PALD1: variants seen among roughly 807,000 people sequenced by gnomAD.
The protein encoded by PALD1 is phosphatase domain containing paladin 1.
Under a neutral mutation model 96.0 loss-of-function variants are expected in PALD1, and 57 were observed. That is an observed-to-expected ratio of 0.59 (90% CI 0.48 to 0.74). The LOEUF is 0.74. PALD1 is among the 30% of genes least tolerant of loss of function. PALD1 has a pLI of 0.00. For synonymous variants in PALD1, 464 were observed against 473.6 expected, an observed-to-expected ratio of 0.98 and a Z score of 0.26; for missense variants, 1,063 against 1,143.7, an observed-to-expected ratio of 0.93 and a Z score of 1.02.
At chr10:70,500,975 G>A (rs1846282473) in intron 1 of PALD1, among the ~76,000 whole-genome samples, 1 of 152,126 alleles carries the variant, frequency 6.6e-6, no homozygotes, top group Non-Finnish European at 1.5e-5. Context: ...CCCATTCCTG[G>A]CTCCCATGAC....
At chr10:70,518,312 C>T (rs946602013) in intron 1 of PALD1, among the ~76,000 whole-genome samples, 1 of 152,158 alleles carries the variant, frequency 6.6e-6, no homozygotes, top group Non-Finnish European at 1.5e-5. Flanking sequence ...CTGCTGTGTA[C>T]AAGTCTTTTT....
intron 5 of PALD1, among the ~76,000 whole-genome samples, chr10:70,531,834 T>G (rs1846999253): frequency 6.6e-6 from 1 of 151,834 alleles, no homozygotes; most frequent in Admixed American, 6.6e-5. Flanking sequence ...ATACAAAAAA[T>G]TAGCTGGACG....
At position 70,535,817 on chromosome 10, in the gene PALD1, C is replaced by T. The variant is rs187145854; in HGVS notation, c.1227+974C>T. ...CTAGACTCAAGGGATTCGTCCACCTCAACCTCCTGAGTATCTGGGACTACA... is the reference window on the plus strand; with the variant it reads ...CTAGACTCAAGGGATTCGTCCACCTTAACCTCCTGAGTATCTGGGACTACA... On this transcript the variant is annotated intron_variant, in intron 10 of 19. Transcript: ENST00000263563. 1.3e-3 allele frequency among the ~76,000 whole-genome samples: 201 copies of T among 152,248 alleles called. 2 individuals carry two copies. Among genetic ancestry groups the T allele is most frequent in the Middle Eastern group, 6.8e-3 (2 of 294 alleles).
intron 7 of PALD1, among the ~76,000 whole-genome samples, chr10:70,533,563 G>A (rs1402005727): frequency 6.6e-6 from 1 of 152,186 alleles, no homozygotes; most frequent in Non-Finnish European, 1.5e-5. Context: ...TGGAGCTAAC[G>A]ACTCTTGCCC....
intron 1 of PALD1, among the ~76,000 whole-genome samples, chr10:70,482,902 C>T (rs41461650): frequency 0.14 from 21,025 of 152,080 alleles, 1,918 homozygotes; most frequent in African/African-American, 0.25. Context: ...GTTATTACCA[C>T]GATGTTATTC....
intron 1 of PALD1, among the ~76,000 whole-genome samples, chr10:70,514,628 C>A (rs910040964): frequency 5.9e-5 from 9 of 152,158 alleles, no homozygotes; most frequent in African/African-American, 1.9e-4. Context: ...ATGTCTTTGA[C>A]TTTGCTCAGC....
chr10:70,538,180 T>G, intron 11 of PALD1, 100 bp from the exon 12 acceptor site: 2 of 1,283,372 alleles, frequency 1.6e-6, no homozygotes, highest in Non-Finnish European at 2.2e-6. Context: ...CTGGGCCATG[T>G]TGGATATCTT....
intron 9 of PALD1, 48 bp downstream of exon 9, chr10:70,534,572 G>C: frequency 7.3e-7 from 1 of 1,378,676 alleles, no homozygotes; most frequent in African/African-American, 1.4e-5. Flanking sequence ...TGGAGGGGAC[G>C]GTCACTCCTC....
At position 70,493,100 on chromosome 10, in the gene PALD1, C is replaced by T. The variant is rs552774233; in HGVS notation, c.-30+14041C>T. Among the ~76,000 whole-genome samples the T allele has an allele frequency of 1.6e-4, 25 of 152,330 alleles. No homozygotes were observed. In the East Asian group the frequency reaches 4.8e-3, roughly 29 times the overall value. On this transcript the variant is annotated intron_variant, in intron 1 of 19. Transcript: ENST00000263563. ...GCCTGCCCCCCTACCTTGGCTCATTCCGGCCCTTTCCAGCTGCCGCTGCTG... is the reference window on the plus strand; with the variant it reads ...GCCTGCCCCCCTACCTTGGCTCATTTCGGCCCTTTCCAGCTGCCGCTGCTG...
Position 70,566,738 on chromosome 10 carries a change from C to A in PALD1, c.*5C>A, listed in dbSNP as rs763192416. Reference sequence around the variant, plus strand: ...GCCCCCGAGGACTTGCTGTAGGGGGCCTTACTCCCTGTCCCCCCACCCACA... The same window carrying A: ...GCCCCCGAGGACTTGCTGTAGGGGGACTTACTCCCTGTCCCCCCACCCACA... On this transcript the variant is annotated 3_prime_UTR_variant, in exon 20 of 20. Transcript: ENST00000263563. 5 of 1,571,822 alleles carry A rather than the reference C, an allele frequency of 3.2e-6. No individual in the cohort carries two copies. Among genetic ancestry groups the A allele is most frequent in the Non-Finnish European group, 4.3e-6 (5 of 1,158,062 alleles).
At chr10:70,517,176 A>C (rs1846637028) in intron 1 of PALD1, among the ~76,000 whole-genome samples, 1 of 152,296 alleles carries the variant, frequency 6.6e-6, no homozygotes, top group East Asian at 1.9e-4. Context: ...GCAGAGGTCC[A>C]GAGAGGTTAT....
At position 70,497,710 on chromosome 10, in the gene PALD1, G is replaced by A. The variant is rs371271670; in HGVS notation, c.-30+18651G>A. ...GCCTCCCGAGTAGCTGGGACTACAG[G>A]CGTGTGCCACCATGCCTGGCTAATT... On this transcript the variant is annotated intron_variant, in intron 1 of 19. Transcript: ENST00000263563. Among the ~76,000 whole-genome samples, 27 of 152,058 alleles carry A rather than the reference G, an allele frequency of 1.8e-4. No individual in the cohort carries two copies. The East Asian group carries it at 4.5e-3, about 25-fold the overall frequency.
At chr10:70,544,938 C>T (rs867065067) in intron 17 of PALD1, among the ~76,000 whole-genome samples, 8 of 152,346 alleles carry the variant, frequency 5.3e-5, no homozygotes, top group Middle Eastern at 3.4e-3. Flanking sequence ...CTCTGAGAAA[C>T]GCAGGAGTTG....
At chr10:70,465,855 G>C in the PALD1 span, among the ~76,000 whole-genome samples, 2 of 152,118 alleles carry the variant, frequency 1.3e-5, no homozygotes, top group Non-Finnish European at 2.9e-5. Context: ...CCCCTGCCAG[G>C]GTCCCACAGA....
chr10:70,529,378 C>T (rs970448295), intron 3 of PALD1, 47 bp downstream of exon 3: 1 of 890,622 alleles, frequency 1.1e-6, no homozygotes, highest in African/African-American at 1.6e-5. Context: ...CCTCCCACCC[C>T]TATCTCTCAT....
chr10:70,539,786 G>A lies in PALD1; in HGVS notation c.1908+24G>A, dbSNP rs758207389. On this transcript the variant is annotated intron_variant, in intron 15 of 19. Coordinates refer to ENST00000263563, the MANE Select transcript of PALD1 (RefSeq NM_014431.3). This position sits in a 1 kb window ranked among gnomAD's most constrained non-coding sequence, Gnocchi z 4.5. ...AGGTGAGGGTGCTGCTCAGGCTGAGGCCTCTGGGGAGGGACAGGAGGCCTC... is the reference window on the plus strand; with the variant it reads ...AGGTGAGGGTGCTGCTCAGGCTGAGACCTCTGGGGAGGGACAGGAGGCCTC... 1 of 1,592,360 alleles carries A rather than the reference G, an allele frequency of 6.3e-7. No homozygotes were observed. The highest frequency in any genetic ancestry group is 1.8e-5 in the Admixed American group (1 of 54,502).
chr10:70,505,439 T>TA (rs896953244), intron 1 of PALD1, among the ~76,000 whole-genome samples: 95 of 151,720 alleles, frequency 6.3e-4, no homozygotes, highest in African/African-American at 2.1e-3. Context: ...CCATCTCTAC[T>TA]AAAAAAAATA....
At chr10:70,496,393 T>C (rs889044191) in intron 1 of PALD1, among the ~76,000 whole-genome samples, 8 of 152,068 alleles carry the variant, frequency 5.3e-5, no homozygotes, top group Non-Finnish European at 8.8e-5. Flanking sequence ...GCCCCAGAGG[T>C]TCCCTGGTGC....
At chr10:70,557,043 A>G (rs1847626471) in intron 18 of PALD1, among the ~76,000 whole-genome samples, 2 of 152,204 alleles carry the variant, frequency 1.3e-5, no homozygotes, top group Admixed American at 6.5e-5. Flanking sequence ...CTCTACCTTT[A>G]TTATTAACTA....
Sources: gnomAD v4.1 joint callset for allele counts (sites outside exome capture counted in the v4.1 genomes callset) on GRCh38, gnomAD v4.1.1 for gene constraint, Gnocchi (gnomAD v3.1) non-coding constraint, MANE v1.5 for transcripts, NCBI Gene and HGNC (gene_info 2026-07-23, HGNC 2026-07-21) for gene names.